The following VPS53 variants were observed in gnomAD, a reference collection of about 807,000 sequenced individuals.
The protein encoded by VPS53 is vacuolar protein sorting-associated protein 53 homolog.
In VPS53, 70 loss-of-function variants were observed where a neutral mutation model predicts 107.0. The ratio of observed to expected loss-of-function variants is 0.65; its 90% CI spans 0.54 to 0.80. The LOEUF is 0.80. VPS53 is among the 30% of genes least tolerant of loss of function. The probability of loss-of-function intolerance (pLI) is 0.00; values close to 1 mark genes in which losing one functional copy is unlikely to be tolerated. For missense variants in VPS53, 917 were observed against 1,049.4 expected (o/e 0.87, Z 1.74); for synonymous variants, 409 against 393.3 (o/e 1.04, Z -0.47).
chr17:517,062 C>G lies in VPS53; in HGVS notation c.*2066G>C, dbSNP rs1908362942. ...CTGGCTGTGCTATTTGGAGATGGGC[C>G]CCACCGCCCCTTTTCAACTGTACGG... On this transcript the variant is annotated 3_prime_UTR_variant, in exon 22 of 22. Transcript: ENST00000437048. 1 of 177,074 alleles carries G rather than the reference C, an allele frequency of 5.6e-6. No homozygotes were observed. Among genetic ancestry groups the G allele is most frequent in the Admixed American group, 6.2e-5 (1 of 16,008 alleles). The allele number at this position is 177,074 out of a possible 1,614,324, so 11.0% of individuals were successfully genotyped here.
At chr17:529,985 A>C (rs1421640054) in intron 19 of VPS53, among the ~76,000 whole-genome samples, 2 of 151,902 alleles carry the variant, frequency 1.3e-5, no homozygotes, top group Non-Finnish European at 2.9e-5. Context: ...GCAGTGAGCT[A>C]TGATTGTGCC....
intron 12 of VPS53, among the ~76,000 whole-genome samples, chr17:601,430 G>C (rs1463611371): frequency 6.6e-6 from 1 of 152,156 alleles, no homozygotes; most frequent in African/African-American, 2.4e-5. Context: ...CTGGCTTCCC[G>C]GGGATTGTTC....
chr17:667,170 TTAAG>T lies in VPS53; in HGVS notation c.286-5279_286-5276del. Among the ~76,000 whole-genome samples the T allele has an allele frequency of 2.0e-5, 3 of 152,290 alleles. No homozygotes were observed. In the Middle Eastern group the frequency reaches 0.01, roughly 518 times the overall value. On this transcript the variant is annotated intron_variant, in intron 4 of 21. Coordinates refer to ENST00000437048, the MANE Select transcript of VPS53 (RefSeq NM_001128159.3). ...TAATACTTAAACCAAACTCATTTGTTTAAGTATTGTTTATGGGGACTTTTGCCAC... is the reference window on the plus strand; with the variant it reads ...TAATACTTAAACCAAACTCATTTGTTTATTGTTTATGGGGACTTTTGCCAC...
rs996623339 is a variant in VPS53 at position 512,323 on chromosome 17, C to A, written c.*6805G>T. On this transcript the variant is annotated 3_prime_UTR_variant, in exon 22 of 22. Coordinates refer to ENST00000437048, the MANE Select transcript of VPS53 (RefSeq NM_001128159.3). ...CTTCACAGCCAATATTCATTATAATCCCCTCTCACCAATATTGAAAATGGA... is the reference window on the plus strand; with the variant it reads ...CTTCACAGCCAATATTCATTATAATACCCTCTCACCAATATTGAAAATGGA... 6.6e-6 allele frequency: 1 copy of A among 152,194 alleles called. No individual in the cohort carries two copies. The highest frequency in any genetic ancestry group is 6.5e-5 in the Admixed American group (1 of 15,274). The allele number at this position is 152,194 out of a possible 1,614,324, so 9.4% of individuals were successfully genotyped here.
chr17:540,152 C>T (rs759685707), intron 17 of VPS53, among the ~76,000 whole-genome samples: 2 of 143,518 alleles, frequency 1.4e-5, no homozygotes, highest in Admixed American at 7.6e-5. Context: ...CTCAAGGAGA[C>T]GCTAATGAAA....
intron 17 of VPS53, among the ~76,000 whole-genome samples, chr17:545,295 C>T (rs546007916): frequency 6.6e-4 from 101 of 152,286 alleles, no homozygotes; most frequent in Non-Finnish European, 1.3e-3. Flanking sequence ...TTTCCCTCTC[C>T]TTGTCTAGCA....
chr17:658,648 C>T (rs937460945), intron 5 of VPS53, among the ~76,000 whole-genome samples: 2 of 145,066 alleles, frequency 1.4e-5, no homozygotes, highest in Non-Finnish European at 3.0e-5. Context: ...GTGAGATACT[C>T]GGCCGTGAGT....
chr17:563,889 C>G (rs374477723), intron 13 of VPS53, among the ~76,000 whole-genome samples: 69 of 152,218 alleles, frequency 4.5e-4, no homozygotes, highest in African/African-American at 1.5e-3. Flanking sequence ...ATAATGGTTT[C>G]TTTCTCCTCC....
chr17:582,178 T>G (rs1360588210), intron 13 of VPS53, among the ~76,000 whole-genome samples: 1 of 145,492 alleles, frequency 6.9e-6, no homozygotes, highest in African/African-American at 2.6e-5. Flanking sequence ...CCAGAGAACC[T>G]CCCTCAGAAC....
chr17:588,497 T>C (rs555258683), intron 12 of VPS53, among the ~76,000 whole-genome samples: 1 of 152,280 alleles, frequency 6.6e-6, no homozygotes, highest in East Asian at 1.9e-4. Flanking sequence ...GTTAAAAACA[T>C]CTGTAAAAAC....
chr17:566,038 C>T (rs1476288779), intron 13 of VPS53, among the ~76,000 whole-genome samples: 2 of 151,494 alleles, frequency 1.3e-5, no homozygotes, highest in Non-Finnish European at 2.9e-5. Context: ...CCCGTCTCTA[C>T]TAAAAATACA....
chr17:582,609 A>C (rs187916821), intron 13 of VPS53, among the ~76,000 whole-genome samples: 8 of 144,274 alleles, frequency 5.5e-5, no homozygotes, highest in African/African-American at 1.5e-4. Context: ...CAGAACCTCA[A>C]CGCAGTCCCA....
intron 12 of VPS53, 50 bp from the exon 13 acceptor site, chr17:586,414 T>C: frequency 6.4e-7 from 1 of 1,558,390 alleles, no homozygotes; most frequent in Non-Finnish European, 8.8e-7. Context: ...TCTTTGCAAA[T>C]GTTCAAGAAT....
At chr17:700,775 C>A (rs1379469078) in intron 2 of VPS53, among the ~76,000 whole-genome samples, 4 of 152,056 alleles carry the variant, frequency 2.6e-5, no homozygotes, top group Non-Finnish European at 5.9e-5. Flanking sequence ...TTTAATAAAT[C>A]CTCTTCCTCT....
intron 15 of VPS53, among the ~76,000 whole-genome samples, chr17:555,319 G>A (rs971888207): frequency 6.6e-6 from 1 of 152,144 alleles, no homozygotes; most frequent in African/African-American, 2.4e-5. Flanking sequence ...AACATGGCCT[G>A]CTCAGCCCTG....
intron 11 of VPS53, among the ~76,000 whole-genome samples, chr17:604,091 CT>C (rs1338101173): frequency 6.6e-6 from 1 of 152,152 alleles, no homozygotes; most frequent in African/African-American, 2.4e-5. Context: ...CTAAATGCCC[CT>C]CATCTATTGC....
At chr17:679,894 T>A (rs1223902738) in intron 4 of VPS53, among the ~76,000 whole-genome samples, 1 of 152,222 alleles carries the variant, frequency 6.6e-6, no homozygotes, top group Non-Finnish European at 1.5e-5. Context: ...ACACCTGTAA[T>A]CCCAGCACTT....
At chr17:609,985 A>G (rs1439934107) in intron 11 of VPS53, among the ~76,000 whole-genome samples, 6 of 151,978 alleles carry the variant, frequency 3.9e-5, no homozygotes, top group Admixed American at 6.5e-5. Context: ...AAAAAAAATT[A>G]GCCAGGCGTG....
chr17:536,591 A>ATGAT (rs1206983696), intron 18 of VPS53: 1 of 163,740 alleles, frequency 6.1e-6, no homozygotes, highest in East Asian at 1.8e-4. Context: ...ATTTAGTTTT[A>ATGAT]TGATTATGCT....
Sources: allele counts gnomAD v4.1 joint callset (sites outside exome capture counted in the v4.1 genomes callset), GRCh38; gene constraint gnomAD v4.1.1; transcripts MANE v1.5; gene names NCBI Gene and HGNC (gene_info 2026-07-23, HGNC 2026-07-21).